The following SH3GL2 variants were observed in gnomAD, a reference collection of about 807,000 sequenced individuals.
The protein encoded by SH3GL2 is SH3 domain containing GRB2 like 2, endophilin A1, also known as endophilin-A1.
SH3GL2 carries 24 observed loss-of-function variants against 46.0 expected under a neutral mutation model. The ratio of observed to expected loss-of-function variants is 0.52; its 90% CI spans 0.38 to 0.73. The LOEUF (loss-of-function observed/expected upper bound fraction) is 0.73, where lower values mean the gene tolerates loss of function less well. SH3GL2 is among the 30% of genes least tolerant of loss of function. The pLI is 0.00. For synonymous variants in SH3GL2, 196 were observed against 147.1 expected, an observed-to-expected ratio of 1.33 and a Z score of -2.40; for missense variants, 413 against 424.2, an observed-to-expected ratio of 0.97 and a Z score of 0.23.
At chr9:17,613,575 ATTG>A (rs1050423495) in intron 1 of SH3GL2, among the ~76,000 whole-genome samples, 2 of 152,306 alleles carry the variant, frequency 1.3e-5, no homozygotes, top group East Asian at 1.9e-4. Flanking sequence ...AAGCTCTGAG[ATTG>A]TTATTTGTCA....
chr9:17,763,358 G>A (rs1049641959), intron 3 of SH3GL2, among the ~76,000 whole-genome samples: 1 of 152,148 alleles, frequency 6.6e-6, no homozygotes, highest in Non-Finnish European at 1.5e-5. Flanking sequence ...CCTTGCAGAT[G>A]TAAGTAGTGA....
At chr9:17,661,705 G>T (rs1341593269) in intron 1 of SH3GL2, among the ~76,000 whole-genome samples, 2 of 152,156 alleles carry the variant, frequency 1.3e-5, no homozygotes, top group Non-Finnish European at 2.9e-5. Context: ...TAACTAATAG[G>T]AGAGTGTGAT....
intron 1 of SH3GL2, among the ~76,000 whole-genome samples, chr9:17,679,740 A>T (rs1446630794): frequency 6.6e-6 from 1 of 152,206 alleles, no homozygotes; most frequent in Non-Finnish European, 1.5e-5. Context: ...GGTTTTGCCC[A>T]TTCAGTATGA....
At chr9:17,653,181 C>A (rs1488137372) in intron 1 of SH3GL2, among the ~76,000 whole-genome samples, 3 of 152,146 alleles carry the variant, frequency 2.0e-5, no homozygotes, top group Admixed American at 2.0e-4. Context: ...CTTATTTTCA[C>A]TGTCTTGTTT....
chr9:17,681,073 G>A (rs150479584), intron 1 of SH3GL2, among the ~76,000 whole-genome samples: 78 of 152,222 alleles, frequency 5.1e-4, no homozygotes, highest in African/African-American at 1.8e-3. Flanking sequence ...TTTGGAATAA[G>A]TACAGAACTC....
chr9:17,738,626 T>TTTTCTATATATA (rs58272546), intron 1 of SH3GL2, among the ~76,000 whole-genome samples: 1 of 74,814 alleles, frequency 1.3e-5, no homozygotes, highest in Non-Finnish European at 2.5e-5. Flanking sequence ...TCATGTGATT[T>TTTTCTATATATA]TATATATATA....
intron 1 of SH3GL2, among the ~76,000 whole-genome samples, chr9:17,706,947 T>TAA (rs1385830962): frequency 6.6e-6 from 1 of 151,980 alleles, no homozygotes; most frequent in African/African-American, 2.4e-5. Flanking sequence ...GCCAGAGAAA[T>TAA]GTAGCATTTC....
intron 1 of SH3GL2, among the ~76,000 whole-genome samples, chr9:17,710,874 C>G (rs1360229332): frequency 6.6e-6 from 1 of 151,892 alleles, no homozygotes; most frequent in African/African-American, 2.4e-5. Context: ...ATGCCTGAAA[C>G]TGGGTATTAC....
chr9:17,623,705 TACACACAC>T (rs10660392), intron 1 of SH3GL2, among the ~76,000 whole-genome samples: 161 of 147,886 alleles, frequency 1.1e-3, no homozygotes, highest in African/African-American at 3.4e-3. Flanking sequence ...TATAATTTCC[TACACACAC>T]ACACACACAC....
intron 3 of SH3GL2, among the ~76,000 whole-genome samples, chr9:17,781,697 G>T (rs1003505584): frequency 6.6e-6 from 1 of 152,106 alleles, no homozygotes. Flanking sequence ...AGTTCTGGTT[G>T]TTCCAAACTC....
chr9:17,678,514 G>A (rs1820676076), intron 1 of SH3GL2, among the ~76,000 whole-genome samples: 1 of 152,110 alleles, frequency 6.6e-6, no homozygotes, highest in Non-Finnish European at 1.5e-5. Flanking sequence ...TGAGTTCATT[G>A]TAGATTGTGG....
intron 1 of SH3GL2, among the ~76,000 whole-genome samples, chr9:17,649,812 G>A (rs1043224794): frequency 9.9e-5 from 15 of 152,258 alleles, no homozygotes; most frequent in Middle Eastern, 6.8e-3. Context: ...CTGAATTTTG[G>A]CAGATAAACG....
intron 1 of SH3GL2, among the ~76,000 whole-genome samples, chr9:17,678,520 T>C (rs1275166293): frequency 6.6e-6 from 1 of 152,236 alleles, no homozygotes; most frequent in East Asian, 1.9e-4. Context: ...CATTGTAGAT[T>C]GTGGATATTA....
chr9:17,672,415 A>G (rs1820497404), intron 1 of SH3GL2, among the ~76,000 whole-genome samples: 1 of 152,158 alleles, frequency 6.6e-6, no homozygotes, highest in Admixed American at 6.5e-5. Flanking sequence ...ACCTGAGCTC[A>G]TTAAGCTCAG....
chr9:17,631,888 A>C (rs1411277080), intron 1 of SH3GL2, among the ~76,000 whole-genome samples: 1 of 152,154 alleles, frequency 6.6e-6, no homozygotes, highest in Non-Finnish European at 1.5e-5. Flanking sequence ...TTTGAAATCG[A>C]CCTAAAAAAT....
At chr9:17,711,498 A>G (rs1040219404) in intron 1 of SH3GL2, among the ~76,000 whole-genome samples, 5 of 151,968 alleles carry the variant, frequency 3.3e-5, no homozygotes, top group African/African-American at 7.2e-5. Flanking sequence ...CAGACGACCA[A>G]TGTTATTCTT....
chr9:17,680,058 G>A (rs994494059), intron 1 of SH3GL2, among the ~76,000 whole-genome samples: 9 of 151,908 alleles, frequency 5.9e-5, no homozygotes, highest in Admixed American at 1.3e-4. Context: ...TTTTTGCATC[G>A]ATGTTCATCA....
intron 1 of SH3GL2, among the ~76,000 whole-genome samples, chr9:17,580,406 T>G (rs1588153722): frequency 6.6e-6 from 1 of 152,162 alleles, no homozygotes; most frequent in Non-Finnish European, 1.5e-5. Flanking sequence ...GGGTTGTGTT[T>G]TACAGAACCT....
chr9:17,644,740 C>T (rs1029060509), intron 1 of SH3GL2, among the ~76,000 whole-genome samples: 1 of 152,002 alleles, frequency 6.6e-6, no homozygotes, highest in Non-Finnish European at 1.5e-5. Flanking sequence ...GCTTTACTTC[C>T]AATTATGTGG....
Sources: gnomAD v4.1 joint callset for allele counts (sites outside exome capture counted in the v4.1 genomes callset) on GRCh38, gnomAD v4.1.1 for gene constraint, MANE v1.5 for transcripts, NCBI Gene and HGNC (gene_info 2026-07-23, HGNC 2026-07-21) for gene names.